PUS10: variants seen among roughly 807,000 people sequenced by gnomAD.
PUS10 encodes the protein tRNA pseudouridine synthase Pus10.
A neutral mutation model predicts 75.0 loss-of-function variants in PUS10; 59 were observed. The observed-to-expected ratio is 0.79, with a 90% CI of 0.64 to 0.98. The LOEUF is 0.98. PUS10 is among the 50% of genes least tolerant of loss of function. PUS10 has a pLI of 0.00. For missense variants in PUS10, 650 were observed against 614.4 expected, an observed-to-expected ratio of 1.06 and a Z score of -0.61; for synonymous variants, 219 against 211.6, an observed-to-expected ratio of 1.03 and a Z score of -0.30.
At position 60,953,048 on chromosome 2, in the gene PUS10, C is replaced by G. The variant is rs1445787340; in HGVS notation, c.1257G>C (p.Trp419Cys). Residue 419 changes from tryptophan (W) to cysteine (C), a missense_variant, in exon 15 of 18, where the codon TGG becomes TGC. By Grantham distance (215) the Trp-to-Cys change is radical (BLOSUM62 -2). Transcript: ENST00000316752. ...EKTKTYSALI[W>C]TNKAIQKKDI... is the part of the protein sequence containing the mutation. ...CTTTCTTCTGTATCGCTTTATTTGT[C>G]CAAATTAAGGCACTGTAGGTCTTTG... 6.2e-7 allele frequency: 1 copy of G among 1,607,548 alleles called. No individual in the cohort carries two copies. Among genetic ancestry groups the G allele is most frequent in the African/African-American group, 1.3e-5 (1 of 74,834 alleles).
intron 4 of PUS10, among the ~76,000 whole-genome samples, chr2:61,006,163 A>C (rs1679198465): frequency 6.6e-6 from 1 of 152,228 alleles, no homozygotes; most frequent in Non-Finnish European, 1.5e-5. Flanking sequence ...AAAGGGAAGA[A>C]GGCTCATCAT....
intron 4 of PUS10, among the ~76,000 whole-genome samples, chr2:60,979,487 CTGTT>C (rs1430870038): frequency 6.6e-6 from 1 of 152,174 alleles, no homozygotes; most frequent in Non-Finnish European, 1.5e-5. Flanking sequence ...CCTATAACCA[CTGTT>C]TGATCTACCA....
intron 16 of PUS10, among the ~76,000 whole-genome samples, chr2:60,946,229 T>G (rs905655357): frequency 6.6e-6 from 1 of 152,188 alleles, no homozygotes; most frequent in African/African-American, 2.4e-5. Context: ...AGGTTCTTAT[T>G]CCTAACCAGA....
intron 1 of PUS10, among the ~76,000 whole-genome samples, chr2:61,015,721 G>A (rs1355010851): frequency 5.3e-5 from 8 of 151,972 alleles, no homozygotes; most frequent in Admixed American, 5.2e-4. Context: ...AATAAGATCT[G>A]TGTGGTCAAG....
chr2:60,960,257 T>G, intron 11 of PUS10, 135 bp downstream of exon 11: 1 of 565,836 alleles, frequency 1.8e-6, no homozygotes, highest in Non-Finnish European at 2.8e-6. Flanking sequence ...GGTGGGCAGA[T>G]CGTTTGAGCC....
At chr2:60,960,582 G>A in intron 10 of PUS10, 65 bp from the exon 11 acceptor site, 14 of 1,469,248 alleles carry the variant, frequency 9.5e-6, no homozygotes, top group Non-Finnish European at 1.3e-5. Context: ...GATAAAAAGA[G>A]AAGCAACAAC....
intron 3 of PUS10, among the ~76,000 whole-genome samples, chr2:61,008,354 T>G (rs559613595): frequency 4.0e-5 from 6 of 151,834 alleles, no homozygotes; most frequent in Non-Finnish European, 7.4e-5. Context: ...AGAAACCCTG[T>G]CTCTACTAAA....
rs1374132800 is a variant in PUS10, at chr2:60,953,046, G to T, written c.1259C>A (p.Thr420Lys). 1.9e-6 allele frequency: 3 copies of T among 1,606,520 alleles called. No homozygotes were observed. The South Asian group carries it at 3.3e-5, about 18-fold the overall frequency. ...GTCTTTCTTCTGTATCGCTTTATTT[G>T]TCCAAATTAAGGCACTGTAGGTCTT... Reference protein sequence around the residue: ...KTKTYSALIWTNKAIQKKDIE... With the variant: ...KTKTYSALIWKNKAIQKKDIE... Residue 420 changes from threonine to lysine, a missense_variant, in exon 15 of 18, where the codon ACA becomes AAA. By Grantham distance (78) the Thr-to-Lys change is moderately conservative. Transcript: ENST00000316752.
At chr2:60,973,205 G>A (rs1225207179) in intron 4 of PUS10, among the ~76,000 whole-genome samples, 1 of 152,256 alleles carries the variant, frequency 6.6e-6, no homozygotes, top group Non-Finnish European at 1.5e-5. Flanking sequence ...CGGGACTCGT[G>A]GGGCCAGCCC....
chr2:60,993,758 A>G (rs1678265603), intron 4 of PUS10, among the ~76,000 whole-genome samples: 1 of 152,152 alleles, frequency 6.6e-6, no homozygotes, highest in Non-Finnish European at 1.5e-5. Flanking sequence ...ACCTAATTTT[A>G]AAAAGGAGGA....
Position 60,957,629 on chromosome 2 carries a change from C to T in PUS10, c.1001-2555G>A, listed in dbSNP as rs552313777. On this transcript the variant is annotated intron_variant, in intron 11 of 17. Transcript: ENST00000316752. The stretch of plus-strand genomic sequence containing the variant: ...TACTGATGACCCCCTGCAGAGATGG[C>T]GGGCATCCCTAGGCTCTAGCCTACG... Among the ~76,000 whole-genome samples the T allele has an allele frequency of 5.9e-5, 9 of 152,370 alleles. No individual in the cohort carries two copies. The South Asian group carries it at 1.2e-3, about 21-fold the overall frequency.
chr2:61,009,885 T>C (rs1292292774), intron 2 of PUS10: 2 of 152,278 alleles, frequency 1.3e-5, no homozygotes, highest in Non-Finnish European at 2.9e-5. Context: ...TTAGCTCTCC[T>C]GCTTTAACAG....
At chr2:60,992,875 G>C (rs914338629) in intron 4 of PUS10, among the ~76,000 whole-genome samples, 5 of 152,120 alleles carry the variant, frequency 3.3e-5, no homozygotes, top group Admixed American at 3.3e-4. Flanking sequence ...GATCATACTC[G>C]ATACCGCAAC....
intron 4 of PUS10, among the ~76,000 whole-genome samples, chr2:60,977,604 C>G (rs1677114046): frequency 6.6e-6 from 1 of 152,174 alleles, no homozygotes; most frequent in Non-Finnish European, 1.5e-5. Flanking sequence ...ATGTCTTGTG[C>G]TAAAATATTT....
chr2:60,940,778 C>A lies in PUS10; in HGVS notation c.*1617G>T, dbSNP rs558758983. On this transcript the variant is annotated 3_prime_UTR_variant, in exon 18 of 18. Transcript: ENST00000316752. ...CAAAATTTTCCCAGAAACTGAGGAA[C>A]ATCCACACAGAAATTCTTACCTTTT... is the stretch of plus-strand genomic sequence containing the variant. 6.6e-6 allele frequency: 1 copy of A among 152,444 alleles called. No homozygotes were observed. The highest frequency in any genetic ancestry group is 1.9e-4 in the East Asian group (1 of 5,322). The allele number at this position is 152,444 out of a possible 1,614,324, so 9.4% of individuals were successfully genotyped here. A position where few individuals can be genotyped will look rare whatever the true frequency, so the allele number is the denominator to read the frequency against.
chr2:60,981,046 A>G (rs1677358388), intron 4 of PUS10, among the ~76,000 whole-genome samples: 1 of 151,852 alleles, frequency 6.6e-6, no homozygotes, highest in Admixed American at 6.6e-5. Flanking sequence ...ACGCGCCACC[A>G]TGCCTGGCTA....
At chr2:60,944,961 T>C in intron 17 of PUS10, 48 bp downstream of exon 17, 2 of 1,373,888 alleles carry the variant, frequency 1.5e-6, no homozygotes, top group Admixed American at 3.4e-5. Flanking sequence ...AGCATAACTT[T>C]GGTTGAATTC....
rs745724469 is a variant in PUS10, at chr2:60,942,455, A to C, written c.1552-22T>G. 2.5e-6 allele frequency: 4 copies of C among 1,586,136 alleles called. No individual in the cohort carries two copies. In the African/African-American group the frequency reaches 5.4e-5, roughly 21 times the overall value. ...CAGACTAGAAGGGAGAAAAGAAGTC[A>C]TTAAAACAGATATTACTGTTGTGGT... On this transcript the variant is annotated intron_variant, in intron 17 of 17. Transcript: ENST00000316752.
In PUS10 at chr2:61,018,199, G is replaced by A. The variant is rs1680144036; in HGVS notation, c.-207C>T. The A allele has an allele frequency of 3.9e-6, 6 of 1,551,006 alleles. No individual in the cohort carries two copies. Among genetic ancestry groups the A allele is most frequent in the South Asian group, 3.6e-5 (3 of 84,060 alleles). The stretch of plus-strand genomic sequence containing the variant: ...ATCTTTAAAGCGTAGACTTTGGTCT[G>A]TAGCAGTTGAGAGCGGCATTTGTCC... On this transcript the variant is annotated 5_prime_UTR_variant, in exon 1 of 18. An upstream open reading frame in the 5' UTR gains an earlier in-frame stop. Coordinates refer to ENST00000316752, the MANE Select transcript of PUS10 (RefSeq NM_144709.4).
Sources: gnomAD v4.1 joint callset for allele counts (sites outside exome capture counted in the v4.1 genomes callset) on GRCh38, gnomAD v4.1.1 for gene constraint, MANE v1.5 for transcripts, NCBI Gene and HGNC (gene_info 2026-07-23, HGNC 2026-07-21) for gene names.